STAG1: variants seen among roughly 807,000 people sequenced by gnomAD.
STAG1 encodes STAG1 cohesin complex component, also known as cohesin subunit SA-1.
In STAG1, 26 loss-of-function variants were observed where a neutral mutation model predicts 170.9. The ratio of observed to expected loss-of-function variants is 0.15; its 90% CI spans 0.11 to 0.21. STAG1 has a LOEUF of 0.21. STAG1 is among the 10% of genes least tolerant of loss of function. The pLI is 1.00. For synonymous variants in STAG1, 514 were observed against 497.7 expected (o/e 1.03, Z -0.44); for missense variants, 964 against 1,509.5 (o/e 0.64, Z 5.99).
At chr3:136,582,443 G>GA (rs1464632621) in intron 4 of STAG1, among the ~76,000 whole-genome samples, 1 of 152,120 alleles carries the variant, frequency 6.6e-6, no homozygotes, top group Admixed American at 6.6e-5. Context: ...AAAAAGGAAG[G>GA]AAAAAATCCT....
chr3:136,404,733 A>G (rs1247697324), intron 21 of STAG1, among the ~76,000 whole-genome samples: 2 of 152,200 alleles, frequency 1.3e-5, no homozygotes, highest in Non-Finnish European at 1.5e-5. Context: ...GATATCACAC[A>G]TCTTGAAGAT....
chr3:136,740,333 T>A (rs1024938544), intron 1 of STAG1, among the ~76,000 whole-genome samples: 4 of 152,164 alleles, frequency 2.6e-5, no homozygotes, highest in African/African-American at 9.7e-5. Context: ...CCATAATATG[T>A]CCCTCCCTAA....
chr3:136,550,246 G>A lies in STAG1; in HGVS notation c.395-8051C>T, dbSNP rs573432995. On this transcript the variant is annotated intron_variant, in intron 5 of 33. Coordinates refer to ENST00000383202, the MANE Select transcript of STAG1 (RefSeq NM_005862.3). Reference sequence around the variant, plus strand: ...ATGTTTGGCGAAAGTCACCAGTGAAGCCAAATGATACTGGGACTTTTCTTT... The same window carrying A: ...ATGTTTGGCGAAAGTCACCAGTGAAACCAAATGATACTGGGACTTTTCTTT... Among the ~76,000 whole-genome samples, 137 of 151,896 alleles carry A rather than the reference G, an allele frequency of 9.0e-4. No individual in the cohort carries two copies. In the South Asian group the frequency reaches 0.028, roughly 31 times the overall value.
chr3:136,750,079 G>T (rs1935152203), intron 1 of STAG1, among the ~76,000 whole-genome samples: 1 of 152,146 alleles, frequency 6.6e-6, no homozygotes, highest in African/African-American at 2.4e-5. Context: ...AGGAAAAAAA[G>T]ATTAAAACTG....
intron 1 of STAG1, among the ~76,000 whole-genome samples, chr3:136,666,735 G>A (rs1370323121): frequency 4.6e-5 from 7 of 151,590 alleles, no homozygotes; most frequent in East Asian, 3.9e-4. Context: ...TAGGAGAATC[G>A]CTAGAACCCT....
intron 29 of STAG1, among the ~76,000 whole-genome samples, chr3:136,344,489 G>A (rs1280918061): frequency 2.0e-5 from 3 of 152,056 alleles, no homozygotes; most frequent in African/African-American, 7.2e-5. Flanking sequence ...ACTAGACACT[G>A]GTCAGTAACT....
intron 1 of STAG1, among the ~76,000 whole-genome samples, chr3:136,728,519 G>A (rs181590188): frequency 1.3e-5 from 2 of 152,262 alleles, no homozygotes; most frequent in Admixed American, 6.5e-5. Context: ...TCTGTAAAGA[G>A]ACTTAGCCCT....
At chr3:136,437,752 T>C (rs2088500516) in intron 15 of STAG1, among the ~76,000 whole-genome samples, 1 of 152,162 alleles carries the variant, frequency 6.6e-6, no homozygotes, top group Non-Finnish European at 1.5e-5. Context: ...TAATTATCTC[T>C]TATCCTTTTT....
At chr3:136,459,809 A>G (rs1297900106) in intron 13 of STAG1, among the ~76,000 whole-genome samples, 1 of 152,230 alleles carries the variant, frequency 6.6e-6, no homozygotes, top group African/African-American at 2.4e-5. Flanking sequence ...AGAAAAGAAA[A>G]TAGAAACACA....
At chr3:136,655,255 C>T (rs59696368) in intron 1 of STAG1, among the ~76,000 whole-genome samples, 11,901 of 152,172 alleles carry the variant, frequency 0.078, 486 homozygotes, top group Non-Finnish European at 0.094. Context: ...AGATTAATAT[C>T]CAGAACAAAT....
chr3:136,401,787 T>C (rs1204816777), intron 21 of STAG1, among the ~76,000 whole-genome samples: 12 of 152,246 alleles, frequency 7.9e-5, no homozygotes, highest in Non-Finnish European at 1.2e-4. Context: ...TATTTTACTT[T>C]AATTTTTTGA....
At chr3:136,347,913 G>C (rs1232379695) in intron 29 of STAG1, among the ~76,000 whole-genome samples, 1 of 152,150 alleles carries the variant, frequency 6.6e-6, no homozygotes, top group Non-Finnish European at 1.5e-5. Context: ...CTCAAAGGTT[G>C]CATAGCTGAT....
Position 136,337,931 on chromosome 3 carries a change from CAG to C in STAG1, c.*321_*322del, listed in dbSNP as rs566614732. On this transcript the variant is annotated 3_prime_UTR_variant, in exon 34 of 34. Transcript: ENST00000383202. ...GAGTTTTCATAAAACAGGTGTATAACAGTGTTTATCTTGACAGCTGTTTTAAA... is the reference window on the plus strand; with the variant it reads ...GAGTTTTCATAAAACAGGTGTATAACTGTTTATCTTGACAGCTGTTTTAAA... 9 of 248,866 alleles carry C rather than the reference CAG, an allele frequency of 3.6e-5. No homozygotes were observed. The South Asian group carries it at 6.2e-4, about 17-fold the overall frequency. The allele number at this position is 248,866 out of a possible 1,614,324, so 15.4% of individuals were successfully genotyped here.
intron 26 of STAG1, among the ~76,000 whole-genome samples, chr3:136,360,740 C>G (rs369534051): frequency 4.6e-5 from 7 of 152,080 alleles, no homozygotes; most frequent in African/African-American, 1.7e-4. Context: ...ATGATCTTGG[C>G]TCACTGCAAG....
At chr3:136,470,017 A>G (rs1370332168) in intron 12 of STAG1, among the ~76,000 whole-genome samples, 3 of 152,218 alleles carry the variant, frequency 2.0e-5, no homozygotes, top group Admixed American at 6.5e-5. Context: ...TGTTAGACCT[A>G]AAACCATAAA....
chr3:136,626,842 T>C (rs903888792), intron 2 of STAG1, among the ~76,000 whole-genome samples: 3 of 152,230 alleles, frequency 2.0e-5, no homozygotes, highest in Admixed American at 1.3e-4. Flanking sequence ...CCGATAAACT[T>C]GTCCACAGTC....
intron 16 of STAG1, among the ~76,000 whole-genome samples, chr3:136,423,959 G>A (rs1346295948): frequency 1.3e-5 from 2 of 151,594 alleles, no homozygotes; most frequent in Non-Finnish European, 2.9e-5. Context: ...TGCCTCCTGG[G>A]TTCTAGTGAT....
intron 4 of STAG1, among the ~76,000 whole-genome samples, chr3:136,581,526 G>A (rs1434912126): frequency 6.6e-6 from 1 of 152,118 alleles, no homozygotes. Context: ...GACAAATAAT[G>A]TATTTAAATG....
chr3:136,678,115 GC>G (rs1244534248), intron 1 of STAG1, among the ~76,000 whole-genome samples: 1 of 150,098 alleles, frequency 6.7e-6, no homozygotes, highest in African/African-American at 2.4e-5. Flanking sequence ...AGTATCAATT[GC>G]CCCCATATTA....
Sources: gnomAD v4.1 joint callset for allele counts (sites outside exome capture counted in the v4.1 genomes callset) on GRCh38, gnomAD v4.1.1 for gene constraint, MANE v1.5 for transcripts, NCBI Gene and HGNC (gene_info 2026-07-23, HGNC 2026-07-21) for gene names.